The following NCR1 variants were observed in gnomAD, a reference collection of about 807,000 sequenced individuals.
The protein encoded by NCR1 is natural cytotoxicity triggering receptor 1.
Under a neutral mutation model 32.5 loss-of-function variants are expected in NCR1, and 30 were observed. The ratio of observed to expected loss-of-function variants is 0.92; its 90% confidence interval spans 0.69 to 1.25. The LOEUF is 1.25. NCR1 is among the 50% of genes most tolerant of loss of function. The pLI is 0.00. For synonymous variants in NCR1, 169 were observed against 143.4 expected, an observed-to-expected ratio of 1.18 and a Z score of -1.28; for missense variants, 369 against 380.7, an observed-to-expected ratio of 0.97 and a Z score of 0.26.
At chr19:54,934,795 C>T in the NCR1 span, 280 of 683,944 alleles carry the variant, frequency 4.1e-4, no homozygotes, top group East Asian at 1.0e-3. This position sits in a 1 kb window ranked among gnomAD's most constrained non-coding sequence, Gnocchi z 6.7. Context: ...CTGCAGCCTC[C>T]GCCTCCCGGG....
intron 3 of NCR1, 76 bp downstream of exon 3, chr19:54,906,883 A>C: frequency 6.5e-7 from 1 of 1,527,574 alleles, no homozygotes; most frequent in Non-Finnish European, 8.9e-7. Context: ...GAACTCTTCC[A>C]AGCCCCACTC....
Position 54,909,543 on chromosome 19 carries a change from C to T in NCR1, c.634+20C>T, listed in dbSNP as rs779529242. On this transcript the variant is annotated intron_variant, in intron 4 of 6. Coordinates refer to ENST00000291890, the MANE Select transcript of NCR1 (RefSeq NM_004829.7). Reference sequence around the variant, plus strand: ...TCACAGGTGAGGAAATGCTCAATTCCCCACACCCTTCGCCGCCATGTGCTA... The same window carrying T: ...TCACAGGTGAGGAAATGCTCAATTCTCCACACCCTTCGCCGCCATGTGCTA... 2 of 1,593,180 alleles carry T rather than the reference C, an allele frequency of 1.3e-6. No individual in the cohort carries two copies. Among genetic ancestry groups the T allele is most frequent in the Non-Finnish European group, 1.7e-6 (2 of 1,173,898 alleles).
the NCR1 span, among the ~76,000 whole-genome samples, chr19:54,925,619 A>C: frequency 6.6e-6 from 1 of 152,166 alleles, no homozygotes; most frequent in Non-Finnish European, 1.5e-5. Context: ...CCTCGGCAAC[A>C]CGGCCACACA....
chr19:54,919,815 G>A (rs928154822), downstream of NCR1, among the ~76,000 whole-genome samples: 15 of 151,564 alleles, frequency 9.9e-5, no homozygotes. Flanking sequence ...CTTGGTGACG[G>A]GTGTCTTCCC....
chr19:54,923,624 T>C, the NCR1 span: 3 of 1,210,260 alleles, frequency 2.5e-6, no homozygotes, highest in African/African-American at 3.0e-5. Flanking sequence ...CAGTGTCAAA[T>C]CCTACCTCTC....
the NCR1 span, among the ~76,000 whole-genome samples, chr19:54,931,906 G>A: frequency 2.0e-5 from 3 of 151,882 alleles, no homozygotes; most frequent in East Asian, 5.8e-4. Context: ...CTCTGCCTGG[G>A]ACAACAGCTT....
At chr19:54,934,557 G>A in the NCR1 span, 1 of 1,614,054 alleles carries the variant, frequency 6.2e-7, no homozygotes, top group South Asian at 1.1e-5. The surrounding 1 kb of genome is among the most constrained non-coding windows in gnomAD (Gnocchi z 6.7). Context: ...CCTCATCCAG[G>A]AGCACATTGG....
At chr19:54,927,716 C>T in the NCR1 span, 10 of 1,614,012 alleles carry the variant, frequency 6.2e-6, no homozygotes, top group Non-Finnish European at 8.5e-6. Context: ...CTTCTGATTG[C>T]TGAGGAGAGC....
At chr19:54,923,862 A>G in the NCR1 span, 2 of 1,613,830 alleles carry the variant, frequency 1.2e-6, no homozygotes, top group South Asian at 2.2e-5. Flanking sequence ...TTAGTTTCAT[A>G]GGTCTTCAAC....
chr19:54,936,428 AATCCTAGGG>A, the NCR1 span: 3 of 1,613,776 alleles, frequency 1.9e-6, no homozygotes, highest in Non-Finnish European at 2.5e-6. Context: ...TGACGTTTTT[AATCCTAGGG>A]AAAAGCAGAA....
chr19:54,937,332 C>T, the NCR1 span, among the ~76,000 whole-genome samples: 2 of 151,784 alleles, frequency 1.3e-5, no homozygotes, highest in Non-Finnish European at 2.9e-5. Context: ...CACACGGTTA[C>T]CTGTGTAACT....
At chr19:54,933,213 T>C in the NCR1 span, among the ~76,000 whole-genome samples, 16 of 152,264 alleles carry the variant, frequency 1.1e-4, no homozygotes, top group Admixed American at 6.5e-4. Context: ...TGGTGCGATC[T>C]CGGCTCACTG....
upstream of NCR1, among the ~76,000 whole-genome samples, chr19:54,903,378 GTATGTATATA>G (rs1569535562): frequency 0.013 from 1,599 of 122,582 alleles, 15 homozygotes; most frequent in Non-Finnish European, 0.018. Context: ...ATATATACAT[GTATGTATATA>G]CATATATGTA....
At chr19:54,933,706 G>A in the NCR1 span, 2 of 1,614,056 alleles carry the variant, frequency 1.2e-6, no homozygotes, top group African/African-American at 2.7e-5. Context: ...CAAGGTCCTT[G>A]CAACTGGCTT....
chr19:54,900,789 G>A, the NCR1 span, among the ~76,000 whole-genome samples: 1 of 152,090 alleles, frequency 6.6e-6, no homozygotes, highest in African/African-American at 2.4e-5. Flanking sequence ...GCCTAGGGCC[G>A]GGAGAGTGAG....
the NCR1 span, chr19:54,934,716 C>T: frequency 8.9e-7 from 1 of 1,129,380 alleles, no homozygotes; most frequent in Non-Finnish European, 1.2e-6. This position sits in a 1 kb window ranked among gnomAD's most constrained non-coding sequence, Gnocchi z 6.7. Context: ...ACCCTATCAG[C>T]TTTTTTTTTT....
chr19:54,934,461 G>C, the NCR1 span: 4 of 1,612,886 alleles, frequency 2.5e-6, no homozygotes, highest in Non-Finnish European at 3.4e-6. This position sits in a 1 kb window ranked among gnomAD's most constrained non-coding sequence, Gnocchi z 6.7. Context: ...AACTAAACCA[G>C]AGCTGCCCAT....
chr19:54,930,805 T>C, the NCR1 span: 9 of 739,440 alleles, frequency 1.2e-5, no homozygotes, highest in Admixed American at 1.0e-4. Flanking sequence ...AACCTCTGCC[T>C]CCCAGGTTCA....
chr19:54,931,836 G>T, the NCR1 span, among the ~76,000 whole-genome samples: 1 of 125,678 alleles, frequency 8.0e-6, no homozygotes, highest in African/African-American at 3.5e-5. Context: ...GTGACAGAGA[G>T]AGACTGTTAA....
Sources: allele counts gnomAD v4.1 joint callset (sites outside exome capture counted in the v4.1 genomes callset), GRCh38; gene constraint gnomAD v4.1.1; non-coding constraint Gnocchi (gnomAD v3.1); transcripts MANE v1.5; gene names NCBI Gene and HGNC (gene_info 2026-07-23, HGNC 2026-07-21).